Variants in UCK2 observed in about 807,000 individuals in gnomAD.
UCK2 encodes uridine-cytidine kinase 2.
UCK2 carries 6 observed loss-of-function variants against 30.8 expected under a neutral mutation model. The ratio of observed to expected loss-of-function variants is 0.19; its 90% CI spans 0.11 to 0.38. UCK2 has a LOEUF of 0.38. Ranked by LOEUF, UCK2 falls within the 10% of genes least tolerant of loss-of-function variation. UCK2 has a pLI of 1.00. For synonymous variants in UCK2, 125 were observed against 133.6 expected, an observed-to-expected ratio of 0.94 and a Z score of 0.45; for missense variants, 210 against 339.8, an observed-to-expected ratio of 0.62 and a Z score of 3.00.
intron 1 of UCK2, among the ~76,000 whole-genome samples, chr1:165,848,427 T>C (rs899482042): frequency 3.4e-4 from 51 of 152,060 alleles, no homozygotes; most frequent in African/African-American, 1.2e-3. Context: ...AGGCCAGGAG[T>C]TCGACACCAG....
At chr1:165,853,803 T>C (rs7517175) in intron 1 of UCK2, among the ~76,000 whole-genome samples, 76,356 of 151,928 alleles carry the variant, frequency 0.5, 19,879 homozygotes, top group African/African-American at 0.65. Flanking sequence ...TCTTGAGTAT[T>C]TCACAACTGG....
At chr1:165,886,003 AC>A (rs1477473933) in intron 1 of UCK2, among the ~76,000 whole-genome samples, 7 of 152,244 alleles carry the variant, frequency 4.6e-5, no homozygotes, top group Admixed American at 2.6e-4. Context: ...AAATTCCAGA[AC>A]CCTTTCATTA....
chr1:165,908,565 T>G lies in UCK2; in HGVS notation c.*742T>G, dbSNP rs1357485238. ...CTCCCACCTTCTCGCCTCTGGCTGCTTGGATAGCTTGGTGACTCCTTCCTC... is the reference window on the plus strand; with the variant it reads ...CTCCCACCTTCTCGCCTCTGGCTGCGTGGATAGCTTGGTGACTCCTTCCTC... On this transcript the variant is annotated 3_prime_UTR_variant, in exon 7 of 7. Coordinates refer to ENST00000367879, the MANE Select transcript of UCK2 (RefSeq NM_012474.5). The G allele has an allele frequency of 6.6e-6, 1 of 152,028 alleles. No homozygotes were observed. Among genetic ancestry groups the G allele is most frequent in the Non-Finnish European group, 1.5e-5 (1 of 68,006 alleles). The allele number at this position is 152,028 out of a possible 1,614,324, so 9.4% of individuals were successfully genotyped here. A position where few individuals can be genotyped will look rare whatever the true frequency, so the allele number is the denominator to read the frequency against.
chr1:165,885,907 A>C (rs114336051), intron 1 of UCK2, among the ~76,000 whole-genome samples: 6 of 152,224 alleles, frequency 3.9e-5, no homozygotes, highest in Non-Finnish European at 8.8e-5. Context: ...TTGTGGTAAA[A>C]TACACATAAC....
intron 1 of UCK2, among the ~76,000 whole-genome samples, chr1:165,844,687 G>C (rs1654405231): frequency 6.6e-6 from 1 of 152,228 alleles, no homozygotes; most frequent in African/African-American, 2.4e-5. Flanking sequence ...GTGAGAGGGA[G>C]AGGGGGGCTG....
rs2349108 is a variant in UCK2 at position 165,877,470 on chromosome 1, G to A, written c.100-12734G>A. Reference sequence around the variant, plus strand: ...CCTCCACTGCTCCCTGTCCCTAACCGTGGTCCACCACTAATCGTTCCACAA... The same window carrying A: ...CCTCCACTGCTCCCTGTCCCTAACCATGGTCCACCACTAATCGTTCCACAA... On this transcript the variant is annotated intron_variant, in intron 1 of 6. Transcript: ENST00000367879. Among the ~76,000 whole-genome samples, 1,236 of 152,148 alleles carry A rather than the reference G, an allele frequency of 8.1e-3. 31 individuals carry two copies. Among genetic ancestry groups the A allele is most frequent in the Admixed American group, 0.05 (770 of 15,280 alleles).
rs1655753284 is a variant in UCK2 at position 165,891,068 on chromosome 1, A to G, written c.260-158A>G. On this transcript the variant is annotated intron_variant, in intron 2 of 6. Transcript: ENST00000367879. ...CTATTTTGAGATACAGGGAGCATCC[A>G]TTCTGCTTTGGGTAAAAATCCAGCT... 6 of 632,466 alleles carry G rather than the reference A, an allele frequency of 9.5e-6. No homozygotes were observed. In the South Asian group the frequency reaches 9.8e-5, roughly 10 times the overall value. 39.2% of individuals were successfully genotyped at this position (632,466 alleles called of 1,614,324 possible). A position where few individuals can be genotyped will look rare whatever the true frequency, so the allele number is the denominator to read the frequency against.
chr1:165,901,994 G>C (rs1226348192), intron 4 of UCK2, among the ~76,000 whole-genome samples: 1 of 148,878 alleles, frequency 6.7e-6, no homozygotes, highest in Non-Finnish European at 1.5e-5. Context: ...CCAGCACTTT[G>C]GGAGGCTGAG....
chr1:165,867,065 G>A (rs1178769734), intron 1 of UCK2, among the ~76,000 whole-genome samples: 2 of 152,132 alleles, frequency 1.3e-5, no homozygotes, highest in African/African-American at 2.4e-5. Flanking sequence ...TCCAGTGCAC[G>A]TAAAAGTTAT....
At chr1:165,881,384 C>T (rs938049536) in intron 1 of UCK2, among the ~76,000 whole-genome samples, 6 of 151,856 alleles carry the variant, frequency 4.0e-5, no homozygotes, top group Non-Finnish European at 7.4e-5. Context: ...TGTTTTCTAT[C>T]TTGATCAATT....
At chr1:165,831,953 A>T (rs933067909) in intron 1 of UCK2, among the ~76,000 whole-genome samples, 3 of 151,996 alleles carry the variant, frequency 2.0e-5, no homozygotes, top group Admixed American at 6.6e-5. Context: ...TTTTTAATAG[A>T]GGTGGGGGTT....
rs1654158859 is a variant in UCK2, at chr1:165,835,280, C to G, written c.99+7348C>G. Among the ~76,000 whole-genome samples the G allele has an allele frequency of 2.7e-5, 4 of 146,776 alleles. No individual in the cohort carries two copies. In the South Asian group the frequency reaches 8.3e-4, roughly 30 times the overall value. ...TGTATTCATAACCGCTAAGAGAATT[C>G]TGGAGAATTCTTCATCCCATTTTGC... On this transcript the variant is annotated intron_variant, in intron 1 of 6. Transcript: ENST00000367879.
intron 1 of UCK2, among the ~76,000 whole-genome samples, chr1:165,838,754 T>TA (rs1219811339): frequency 1.3e-5 from 2 of 151,000 alleles, no homozygotes; most frequent in Non-Finnish European, 3.0e-5. Context: ...AGTGGTGCAT[T>TA]AAAAAAAATC....
chr1:165,846,158 T>A (rs1334865891), intron 1 of UCK2, among the ~76,000 whole-genome samples: 4 of 151,956 alleles, frequency 2.6e-5, no homozygotes, highest in African/African-American at 9.7e-5. Flanking sequence ...TAAAAAAAAT[T>A]AGCTGAGTGT....
intron 1 of UCK2, among the ~76,000 whole-genome samples, chr1:165,878,030 G>A (rs1157363443): frequency 2.0e-5 from 3 of 152,084 alleles, no homozygotes; most frequent in Non-Finnish European, 4.4e-5. Context: ...TTTTGCTGTT[G>A]TACATTGAGT....
chr1:165,841,310 A>G (rs1654325719), intron 1 of UCK2, among the ~76,000 whole-genome samples: 1 of 151,230 alleles, frequency 6.6e-6, no homozygotes, highest in Non-Finnish European at 1.5e-5. Flanking sequence ...AAGCCTCCCG[A>G]GTAGCTGGGA....
intron 1 of UCK2, among the ~76,000 whole-genome samples, chr1:165,862,993 G>A (rs1028945084): frequency 1.3e-5 from 2 of 152,160 alleles, no homozygotes; most frequent in Non-Finnish European, 2.9e-5. Flanking sequence ...TCGTTCTGAT[G>A]GTCTTGTTCT....
At position 165,859,689 on chromosome 1, in the gene UCK2, T is replaced by C. The variant is rs970398377; in HGVS notation, c.100-30515T>C. ...AAACCCACAAAAAATTAGCAGGGTG[T>C]GGTGGTGCATGCCTGTGGTCCTAGC... is the stretch of plus-strand genomic sequence containing the variant. On this transcript the variant is annotated intron_variant, in intron 1 of 6. Coordinates refer to ENST00000367879, the MANE Select transcript of UCK2 (RefSeq NM_012474.5). 2.0e-5 allele frequency among the ~76,000 whole-genome samples: 3 copies of C among 151,990 alleles called. No individual in the cohort carries two copies. The East Asian group carries it at 5.8e-4, about 29-fold the overall frequency.
chr1:165,873,857 T>G (rs2101872196), intron 1 of UCK2, among the ~76,000 whole-genome samples: 1 of 152,282 alleles, frequency 6.6e-6, no homozygotes, highest in South Asian at 2.1e-4. Context: ...AACACCAGCT[T>G]TGGATCTCAC....
Sources: allele counts gnomAD v4.1 joint callset (sites outside exome capture counted in the v4.1 genomes callset), GRCh38; gene constraint gnomAD v4.1.1; transcripts MANE v1.5; gene names NCBI Gene and HGNC (gene_info 2026-07-23, HGNC 2026-07-21).